CAMTA1: variants seen among roughly 807,000 people sequenced by gnomAD.
CAMTA1 encodes the protein calmodulin-binding transcription activator 1.
A neutral mutation model predicts 170.9 loss-of-function variants in CAMTA1; 27 were observed. That is an observed-to-expected ratio of 0.16 (90% CI 0.12 to 0.22). The LOEUF (loss-of-function observed/expected upper bound fraction) is 0.22, where lower values mean the gene tolerates loss of function less well. CAMTA1 is among the 10% of genes least tolerant of loss of function. The pLI is 1.00. For synonymous variants in CAMTA1, 833 were observed against 891.5 expected, an observed-to-expected ratio of 0.93 and a Z score of 1.17; for missense variants, 1,619 against 2,217.2, an observed-to-expected ratio of 0.73 and a Z score of 5.42.
At chr1:6,923,247 A>G (rs1225847797) in intron 3 of CAMTA1, among the ~76,000 whole-genome samples, 2 of 152,082 alleles carry the variant, frequency 1.3e-5, no homozygotes, top group African/African-American at 4.8e-5. Context: ...CTGCAGTGGT[A>G]TGTGGAAGCG....
At chr1:7,170,361 A>C (rs1649356838) in intron 4 of CAMTA1, among the ~76,000 whole-genome samples, 2 of 150,930 alleles carry the variant, frequency 1.3e-5, no homozygotes, top group South Asian at 4.2e-4. Context: ...GATTTGTTAC[A>C]TAGGTATACA....
At chr1:6,978,361 C>T (rs548828851) in intron 3 of CAMTA1, among the ~76,000 whole-genome samples, 5 of 152,260 alleles carry the variant, frequency 3.3e-5, no homozygotes, top group South Asian at 2.1e-4. Context: ...AGGCCAGGCA[C>T]GGTGGCTCAC....
chr1:7,527,601 AAC>A (rs753625869), intron 6 of CAMTA1, among the ~76,000 whole-genome samples: 22 of 152,232 alleles, frequency 1.4e-4, no homozygotes, highest in Non-Finnish European at 2.9e-4. Flanking sequence ...GTAGCAGGGA[AAC>A]ACAGCACAGC....
chr1:7,259,097 C>T (rs1002116519), intron 5 of CAMTA1, among the ~76,000 whole-genome samples: 5 of 152,100 alleles, frequency 3.3e-5, no homozygotes, highest in Non-Finnish European at 5.9e-5. Context: ...CTTTGATGGC[C>T]GCTGGCTCCG....
chr1:6,868,172 T>A (rs921459276), intron 3 of CAMTA1, among the ~76,000 whole-genome samples: 1 of 151,962 alleles, frequency 6.6e-6, no homozygotes, highest in African/African-American at 2.4e-5. Context: ...CAGAAAGCAT[T>A]ATATAATGTT....
chr1:7,704,645 C>G lies in CAMTA1; in HGVS notation c.2914+26912C>G, dbSNP rs541371334. On this transcript the variant is annotated intron_variant, in intron 11 of 22. Coordinates refer to ENST00000303635, the MANE Select transcript of CAMTA1 (RefSeq NM_015215.4). ...GCATCCTCCGATTGGACCACGCGGC[C>G]TGGGGGGCGGGGTCTGGTCCGGTGA... Among the ~76,000 whole-genome samples the G allele has an allele frequency of 7.8e-4, 116 of 148,902 alleles. 1 individual carries two copies. The highest frequency in any genetic ancestry group is 1.9e-3 in the Admixed American group (28 of 15,020).
At chr1:6,822,794 C>CCACACACACACACACA (rs3061932) in intron 2 of CAMTA1, among the ~76,000 whole-genome samples, 1 of 146,486 alleles carries the variant, frequency 6.8e-6, no homozygotes, top group African/African-American at 2.5e-5. Context: ...TACATAAATA[C>CCACACACACACACACA]CACACACACA....
chr1:7,741,505 C>G lies in CAMTA1; in HGVS notation c.4182+3023C>G, dbSNP rs572966810. The stretch of plus-strand genomic sequence containing the variant: ...TGAACCCAGGAGGCAGAGCTTGCAG[C>G]TAGCCGACATCGCACCACTGCACTC... On this transcript the variant is annotated intron_variant, in intron 16 of 22. Coordinates refer to ENST00000303635, the MANE Select transcript of CAMTA1 (RefSeq NM_015215.4). Among the ~76,000 whole-genome samples the G allele has an allele frequency of 1.3e-4, 20 of 151,506 alleles. 1 individual carries two copies. The South Asian group carries it at 3.8e-3, about 28-fold the overall frequency.
At position 7,609,544 on chromosome 1, in the gene CAMTA1, G is replaced by T. The variant is rs901883295; in HGVS notation, c.511-30856G>T. Among the ~76,000 whole-genome samples the T allele has an allele frequency of 1.3e-5, 2 of 152,160 alleles. No individual in the cohort carries two copies. The highest frequency in any genetic ancestry group is 4.8e-5 in the African/African-American group (2 of 41,442). On this transcript the variant is annotated intron_variant, in intron 6 of 22. Coordinates refer to ENST00000303635, the MANE Select transcript of CAMTA1 (RefSeq NM_015215.4). The surrounding 1 kb of genome is among the most constrained non-coding windows in gnomAD (Gnocchi z 4.4). ...TCAGGGCCTGCCACCCCTCTCTCAGGCTCCAGTCCAGCCCTGCAGGAGTGA... is the reference window on the plus strand; with the variant it reads ...TCAGGGCCTGCCACCCCTCTCTCAGTCTCCAGTCCAGCCCTGCAGGAGTGA...
chr1:7,069,408 C>T (rs1465991194), intron 3 of CAMTA1, among the ~76,000 whole-genome samples: 2 of 152,172 alleles, frequency 1.3e-5, no homozygotes, highest in African/African-American at 4.8e-5. Flanking sequence ...CTCCTTCCAT[C>T]GGGATCACAG....
chr1:7,632,096 C>A (rs2095673645), intron 6 of CAMTA1, among the ~76,000 whole-genome samples: 1 of 152,226 alleles, frequency 6.6e-6, no homozygotes, highest in Admixed American at 6.5e-5. Flanking sequence ...CCTTGCACAC[C>A]CGTTTCACAG....
At chr1:6,833,434 A>T (rs1651359980) in intron 3 of CAMTA1, among the ~76,000 whole-genome samples, 1 of 152,234 alleles carries the variant, frequency 6.6e-6, no homozygotes, top group African/African-American at 2.4e-5. Context: ...AGAAAATACA[A>T]AACTAATAAA....
intron 6 of CAMTA1, among the ~76,000 whole-genome samples, chr1:7,541,767 C>T (rs1214524255): frequency 6.6e-6 from 1 of 152,210 alleles, no homozygotes; most frequent in Non-Finnish European, 1.5e-5. Flanking sequence ...CTTGCAGGCA[C>T]CAGGGTGGTC....
At position 6,965,194 on chromosome 1, in the gene CAMTA1, AGTGT is replaced by A. The variant is rs1022959647; in HGVS notation, c.235-126103_235-126100del. Among the ~76,000 whole-genome samples the A allele has an allele frequency of 6.6e-6, 1 of 151,980 alleles. No individual in the cohort carries two copies. Among genetic ancestry groups the A allele is most frequent in the Non-Finnish European group, 1.5e-5 (1 of 68,002 alleles). On this transcript the variant is annotated intron_variant, in intron 3 of 22. Coordinates refer to ENST00000303635, the MANE Select transcript of CAMTA1 (RefSeq NM_015215.4). This position sits in a 1 kb window ranked among gnomAD's most constrained non-coding sequence, Gnocchi z 4.1. ...AAGTAGTGAGTGTGGTATGAGCATG[AGTGT>A]GTGTGTATGACTTTGTGTGCTTGTG...
rs2149422186 is a variant in CAMTA1 at position 7,443,619 on chromosome 1, G to A, written c.439-24211G>A. 6.6e-6 allele frequency among the ~76,000 whole-genome samples: 1 copy of A among 152,232 alleles called. No homozygotes were observed. On this transcript the variant is annotated intron_variant, in intron 5 of 22. Coordinates refer to ENST00000303635, the MANE Select transcript of CAMTA1 (RefSeq NM_015215.4). The surrounding 1 kb of genome is among the most constrained non-coding windows in gnomAD (Gnocchi z 4.1). ...TGAGTGGCACAGAGGAGGCTCGCAA[G>A]CAGAGATGATTGCAGTGCCCTATAG...
At chr1:6,818,294 A>C (rs1277427139) in intron 1 of CAMTA1, among the ~76,000 whole-genome samples, 1 of 152,206 alleles carries the variant, frequency 6.6e-6, no homozygotes. Context: ...CTGAGATCCC[A>C]CCACTACACT....
chr1:7,183,396 A>C (rs1652619486), intron 4 of CAMTA1, among the ~76,000 whole-genome samples: 1 of 152,200 alleles, frequency 6.6e-6, no homozygotes, highest in Non-Finnish European at 1.5e-5. Flanking sequence ...TTCAAACCAT[A>C]TCAGCAATAT....
chr1:7,602,820 G>T (rs2095457607), intron 6 of CAMTA1, among the ~76,000 whole-genome samples: 1 of 152,092 alleles, frequency 6.6e-6, no homozygotes, highest in Non-Finnish European at 1.5e-5. Context: ...TCTACACACT[G>T]CTTTGAATAT....
At chr1:7,493,214 TAC>T (rs369890361) in intron 6 of CAMTA1, among the ~76,000 whole-genome samples, 2 of 130,652 alleles carry the variant, frequency 1.5e-5, no homozygotes, top group Non-Finnish European at 3.2e-5. Context: ...CAAACCTACA[TAC>T]ACACGCACAC....
Sources: gnomAD v4.1 joint callset for allele counts (sites outside exome capture counted in the v4.1 genomes callset) on GRCh38, gnomAD v4.1.1 for gene constraint, Gnocchi (gnomAD v3.1) non-coding constraint, MANE v1.5 for transcripts, NCBI Gene and HGNC (gene_info 2026-07-23, HGNC 2026-07-21) for gene names.